The following ZNF184 variants were observed in gnomAD, a reference collection of about 807,000 sequenced individuals.
ZNF184 encodes zinc finger protein 184.
In ZNF184, 16 loss-of-function variants were observed where a neutral mutation model predicts 54.4. That is an observed-to-expected ratio of 0.29 (90% CI 0.20 to 0.45). ZNF184 has a LOEUF of 0.45. ZNF184 is among the 20% of genes least tolerant of loss of function. ZNF184 has a pLI of 1.00. For synonymous variants in ZNF184, 254 were observed against 295.3 expected (o/e 0.86, Z 1.43); for missense variants, 681 against 888.2 (o/e 0.77, Z 2.97).
downstream of ZNF184, among the ~76,000 whole-genome samples, chr6:27,450,504 A>C (rs548883010): frequency 2.0e-5 from 3 of 152,162 alleles, no homozygotes; most frequent in East Asian, 3.9e-4. Context: ...TGCAAACGGA[A>C]ATGGGCCTTC....
the ZNF184 span, among the ~76,000 whole-genome samples, chr6:27,443,515 C>A: frequency 5.3e-5 from 8 of 152,252 alleles, no homozygotes; most frequent in East Asian, 1.5e-3. Context: ...GGCTCTCAGG[C>A]CTTTGCCTTC....
chr6:27,461,099 C>T (rs1262076595), intron 3 of ZNF184, among the ~76,000 whole-genome samples: 1 of 152,076 alleles, frequency 6.6e-6, no homozygotes, highest in Non-Finnish European at 1.5e-5. Flanking sequence ...TACCAGGTGC[C>T]GAGTGTGGGG....
chr6:27,414,599 T>C, the ZNF184 span, among the ~76,000 whole-genome samples: 1 of 152,028 alleles, frequency 6.6e-6, no homozygotes, highest in African/African-American at 2.4e-5. Flanking sequence ...TGCTCAGATA[T>C]CCAGATGGCT....
intron 3 of ZNF184, among the ~76,000 whole-genome samples, chr6:27,466,017 T>G (rs2113732996): frequency 6.6e-6 from 1 of 152,254 alleles, no homozygotes; most frequent in East Asian, 1.9e-4. Context: ...ATTAAGGGCC[T>G]TGAGTGGGGA....
chr6:27,470,194 T>A (rs1177243241), intron 2 of ZNF184, among the ~76,000 whole-genome samples: 9 of 151,680 alleles, frequency 5.9e-5, no homozygotes, highest in Admixed American at 2.6e-4. Flanking sequence ...ACAGACAGAC[T>A]AAGAGATGGA....
chr6:27,420,506 G>A, the ZNF184 span, among the ~76,000 whole-genome samples: 1 of 152,134 alleles, frequency 6.6e-6, no homozygotes. Context: ...CTGGTTGAAA[G>A]GCACATCATT....
chr6:27,468,326 T>C (rs577831779), intron 2 of ZNF184, among the ~76,000 whole-genome samples: 13 of 152,314 alleles, frequency 8.5e-5, no homozygotes, highest in African/African-American at 3.1e-4. Context: ...CAATGACATA[T>C]GCTACTTACT....
chr6:27,422,212 G>GAAAGAAAAGA, the ZNF184 span, among the ~76,000 whole-genome samples: 7 of 111,930 alleles, frequency 6.3e-5, no homozygotes, highest in African/African-American at 2.3e-4. Flanking sequence ...AAGAAAGAAA[G>GAAAGAAAAGA]AAAGAAAAGA....
chr6:27,423,873 G>A, the ZNF184 span, among the ~76,000 whole-genome samples: 2 of 152,072 alleles, frequency 1.3e-5, no homozygotes, highest in Admixed American at 6.6e-5. Context: ...CTTATACCAC[G>A]TATCAGCATT....
At chr6:27,423,560 T>A in the ZNF184 span, among the ~76,000 whole-genome samples, 1 of 152,074 alleles carries the variant, frequency 6.6e-6, no homozygotes, top group Admixed American at 6.6e-5. Context: ...ACATTTTCCT[T>A]GCTAACCCCT....
At chr6:27,455,552 T>A (rs968209809) in intron 5 of ZNF184, among the ~76,000 whole-genome samples, 4 of 152,208 alleles carry the variant, frequency 2.6e-5, no homozygotes, top group Admixed American at 6.5e-5. Flanking sequence ...TTCTTTTTTT[T>A]AATTAAGCTT....
intron 3 of ZNF184, among the ~76,000 whole-genome samples, chr6:27,463,070 AAAAG>A (rs75644226): frequency 3.4e-3 from 62 of 18,348 alleles, no homozygotes; most frequent in East Asian, 8.1e-3. Context: ...AAAAAAAAAA[AAAAG>A]AGAGAACACA....
chr6:27,446,028 GAATC>G (rs1270112433), downstream of ZNF184, among the ~76,000 whole-genome samples: 1 of 152,208 alleles, frequency 6.6e-6, no homozygotes, highest in Non-Finnish European at 1.5e-5. Context: ...AATTAAAAGA[GAATC>G]AGGGTAGAAA....
chr6:27,461,360 A>G lies in ZNF184; in HGVS notation c.76-3951T>C, dbSNP rs761715994. On this transcript the variant is annotated intron_variant, in intron 3 of 5. Transcript: ENST00000683788. ...ATCCTCTTTTGTATGCTTTGCTGTAATATTTGTTAGCCATGATTTATGCTA... is the reference window on the plus strand; with the variant it reads ...ATCCTCTTTTGTATGCTTTGCTGTAGTATTTGTTAGCCATGATTTATGCTA... Among the ~76,000 whole-genome samples, 8 of 152,294 alleles carry G rather than the reference A, an allele frequency of 5.3e-5. No homozygotes were observed. In the East Asian group the frequency reaches 1.2e-3, roughly 22 times the overall value.
intron 2 of ZNF184, among the ~76,000 whole-genome samples, chr6:27,469,417 C>T (rs1015977660): frequency 2.0e-5 from 3 of 152,002 alleles, no homozygotes; most frequent in African/African-American, 7.2e-5. Context: ...CTGAGGCGGG[C>T]GGATCACAAG....
the ZNF184 span, among the ~76,000 whole-genome samples, chr6:27,422,242 A>C: frequency 3.7e-4 from 44 of 117,660 alleles, 3 homozygotes; most frequent in Non-Finnish European, 4.4e-4. Flanking sequence ...CAGAGACCAC[A>C]CTGGCACATA....
At position 27,452,292 on chromosome 6, in the gene ZNF184, A is replaced by G; in HGVS notation, c.1267T>C (p.Cys423Arg). The G allele has an allele frequency of 6.2e-7, 1 of 1,614,144 alleles. No individual in the cohort carries two copies. The highest frequency in any genetic ancestry group is 8.5e-7 in the Non-Finnish European group (1 of 1,180,008). ...GAGTGCTGGCTGAAGGCTTTCCCAC[A>G]TTCATTGCATTCGTACGGTTTTTCA... ...TGEKPYECNE[C>R]GKAFSQHSNL... The change falls in exon 6 of 6, where the codon TGT (cysteine) becomes CGT (arginine). Residue 423 changes from cysteine to arginine, a missense_variant. Coordinates refer to ENST00000683788, the MANE Select transcript of ZNF184 (RefSeq NM_001318891.2). This position sits in a 1 kb window ranked among gnomAD's most constrained non-coding sequence, Gnocchi z 5.5.
chr6:27,457,817 G>C (rs1356678255), intron 3 of ZNF184, among the ~76,000 whole-genome samples: 1 of 152,102 alleles, frequency 6.6e-6, no homozygotes, highest in Non-Finnish European at 1.5e-5. Context: ...GGAAAGACTT[G>C]CCCTAATACA....
intron 3 of ZNF184, among the ~76,000 whole-genome samples, chr6:27,460,237 G>C (rs912751067): frequency 6.6e-6 from 1 of 152,122 alleles, no homozygotes; most frequent in African/African-American, 2.4e-5. Flanking sequence ...ACTATTGGTG[G>C]GACTGGGTAG....
Sources: gnomAD v4.1 joint callset for allele counts (sites outside exome capture counted in the v4.1 genomes callset) on GRCh38, gnomAD v4.1.1 for gene constraint, Gnocchi (gnomAD v3.1) non-coding constraint, MANE v1.5 for transcripts, NCBI Gene and HGNC (gene_info 2026-07-23, HGNC 2026-07-21) for gene names.